Variants in NPAS2 observed in about 807,000 individuals in gnomAD.
NPAS2 encodes the protein neuronal PAS domain-containing protein 2.
NPAS2 carries 23 observed loss-of-function variants against 107.5 expected under a neutral mutation model. The ratio of observed to expected loss-of-function variants is 0.21; its 90% CI spans 0.15 to 0.30. The LOEUF (loss-of-function observed/expected upper bound fraction) is 0.30, where lower values mean the gene tolerates loss of function less well. Ranked by LOEUF, NPAS2 falls within the 10% of genes least tolerant of loss-of-function variation. The pLI is 1.00. For synonymous variants in NPAS2, 403 were observed against 417.5 expected, an observed-to-expected ratio of 0.97 and a Z score of 0.42; for missense variants, 756 against 1,043.3, an observed-to-expected ratio of 0.72 and a Z score of 3.79.
chr2:100,963,614 C>T (rs1208682399), intron 7 of NPAS2, among the ~76,000 whole-genome samples: 1 of 152,156 alleles, frequency 6.6e-6, no homozygotes, highest in Non-Finnish European at 1.5e-5. Context: ...TGGGGTTTCA[C>T]AGTGTTGGCC....
intron 1 of NPAS2, among the ~76,000 whole-genome samples, chr2:100,862,756 A>G (rs566768336): frequency 6.6e-6 from 1 of 152,270 alleles, no homozygotes; most frequent in East Asian, 1.9e-4. Context: ...TTTAGATTCT[A>G]TGTGGAAAGG....
chr2:100,828,366 C>T lies in NPAS2; in HGVS notation c.-23+7952C>T, dbSNP rs1238420778. 2.0e-5 allele frequency among the ~76,000 whole-genome samples: 3 copies of T among 151,996 alleles called. No homozygotes were observed. In the East Asian group the frequency reaches 5.8e-4, roughly 29 times the overall value. ...CCCATTTATGTAGGTTGTCTGTTTA[C>T]TCTGTTGATAGGTTCTTTTTCTGTG... On this transcript the variant is annotated intron_variant, in intron 1 of 20. Coordinates refer to ENST00000335681, the MANE Select transcript of NPAS2 (RefSeq NM_002518.4).
At chr2:100,932,389 C>T (rs1207140131) in intron 3 of NPAS2, among the ~76,000 whole-genome samples, 5 of 152,262 alleles carry the variant, frequency 3.3e-5, no homozygotes, top group South Asian at 2.1e-4. Context: ...GTGTATAGCA[C>T]GCTGTATTTC....
rs35943087 is a variant in NPAS2, at chr2:100,947,552, C to CAAA, written c.364-672_364-670dup. On this transcript the variant is annotated intron_variant, in intron 5 of 20. Coordinates refer to ENST00000335681, the MANE Select transcript of NPAS2 (RefSeq NM_002518.4). ...GGGCAACAAGAGCAACACTCTGTCTCAAAAAAAAAAAAACAAATTAAAATT... is the reference window on the plus strand; with the variant it reads ...GGGCAACAAGAGCAACACTCTGTCTCAAAAAAAAAAAAAAAACAAATTAAAATT... 8.8e-3 allele frequency among the ~76,000 whole-genome samples: 1,215 copies of CAAA among 138,088 alleles called. 19 individuals are homozygous for CAAA. The highest frequency in any genetic ancestry group is 0.023 in the African/African-American group (856 of 36,918). 90.6% of individuals were successfully genotyped at this position (138,088 alleles called of 152,430 possible). A position where few individuals can be genotyped will look rare whatever the true frequency, so the allele number is the denominator to read the frequency against.
At chr2:100,903,064 C>T (rs1681889465) in intron 1 of NPAS2, among the ~76,000 whole-genome samples, 1 of 152,210 alleles carries the variant, frequency 6.6e-6, no homozygotes, top group Non-Finnish European at 1.5e-5. Flanking sequence ...ACTCAGCAAC[C>T]CTGGTCATCC....
At chr2:100,984,392 GATAAA>G (rs1558940617) in intron 16 of NPAS2, 2 of 152,250 alleles carry the variant, frequency 1.3e-5, no homozygotes, top group African/African-American at 4.8e-5. Flanking sequence ...TAGAGGGATA[GATAAA>G]ATAAGAATGA....
chr2:100,941,693 G>A (rs1558894068), intron 5 of NPAS2, among the ~76,000 whole-genome samples: 1 of 152,318 alleles, frequency 6.6e-6, no homozygotes, highest in Admixed American at 6.5e-5. Flanking sequence ...AAGGGCTCAC[G>A]GGAGCCTCTG....
chr2:100,963,419 G>A lies in NPAS2; in HGVS notation c.599-639G>A, dbSNP rs896224735. Among the ~76,000 whole-genome samples the A allele has an allele frequency of 7.9e-5, 12 of 151,898 alleles. 1 individual carries two copies. Among genetic ancestry groups the A allele is most frequent in the Admixed American group, 6.6e-4 (10 of 15,220 alleles). On this transcript the variant is annotated intron_variant, in intron 7 of 20. Coordinates refer to ENST00000335681, the MANE Select transcript of NPAS2 (RefSeq NM_002518.4). ...GTTTTGTTTTGTTTTGTTTTGTTTT[G>A]TTTGGAGACAGAGTCTTACTGTGTC...
At chr2:100,845,136 G>A (rs944973282) in intron 1 of NPAS2, among the ~76,000 whole-genome samples, 8 of 152,310 alleles carry the variant, frequency 5.3e-5, no homozygotes, top group East Asian at 1.9e-4. Context: ...TGTGTGATCC[G>A]TTAGGGGAGC....
intron 1 of NPAS2, among the ~76,000 whole-genome samples, chr2:100,832,805 C>T (rs987497625): frequency 6.6e-6 from 1 of 152,130 alleles, no homozygotes; most frequent in Admixed American, 6.6e-5. Context: ...GGAAGCTGTG[C>T]TGTGTTTGTG....
Position 100,988,328 on chromosome 2 carries a change from C to G in NPAS2, c.1827+52C>G, listed in dbSNP as rs761856980. ...TCCTTGCCTCTAGAGCAGACACCCT[C>G]TTGCAGTTTGGGACATACTTGATTC... On this transcript the variant is annotated intron_variant, in intron 17 of 20. Coordinates refer to ENST00000335681, the MANE Select transcript of NPAS2 (RefSeq NM_002518.4). 2.0e-6 allele frequency: 3 copies of G among 1,516,490 alleles called. No homozygotes were observed. In the South Asian group the frequency reaches 3.4e-5, roughly 17 times the overall value. The allele number at this position is 1,516,490 out of a possible 1,614,324, so 93.9% of individuals were successfully genotyped here. A position where few individuals can be genotyped will look rare whatever the true frequency, so the allele number is the denominator to read the frequency against.
rs184842573 is a variant in NPAS2, at chr2:100,842,971, A to T, written c.-23+22557A>T. 1.3e-4 allele frequency among the ~76,000 whole-genome samples: 20 copies of T among 152,278 alleles called. No individual in the cohort carries two copies. The East Asian group carries it at 3.9e-3, about 29-fold the overall frequency. On this transcript the variant is annotated intron_variant, in intron 1 of 20. Transcript: ENST00000335681. Reference sequence around the variant, plus strand: ...TGTGGTGGCTCATGCCTGTAATCCCAGCACTTTGGGAGTCTGAGGCAGGCA... The same window carrying T: ...TGTGGTGGCTCATGCCTGTAATCCCTGCACTTTGGGAGTCTGAGGCAGGCA...
At position 100,820,631 on chromosome 2, in the gene NPAS2, A is replaced by G. The variant is rs1456695352; in HGVS notation, c.-23+217A>G. The stretch of plus-strand genomic sequence containing the variant: ...GGCCGCTGGGGGCTTCGCGTCCTGC[A>G]GGAGGTAGCAATCGCTGGGCCGGTG... On this transcript the variant is annotated intron_variant, in intron 1 of 20. Transcript: ENST00000335681. The surrounding 1 kb of genome is among the most constrained non-coding windows in gnomAD (Gnocchi z 5.6). Among the ~76,000 whole-genome samples, 1 of 152,052 alleles carries G rather than the reference A, an allele frequency of 6.6e-6. No homozygotes were observed. Among genetic ancestry groups the G allele is most frequent in the African/African-American group, 2.4e-5 (1 of 41,438 alleles).
At chr2:100,829,821 A>T (rs537440525) in intron 1 of NPAS2, among the ~76,000 whole-genome samples, 1 of 152,220 alleles carries the variant, frequency 6.6e-6, no homozygotes, top group Non-Finnish European at 1.5e-5. Context: ...CTCATAAGAA[A>T]TGTTAATCAC....
chr2:100,841,915 G>T, intron 1 of NPAS2, among the ~76,000 whole-genome samples: 1 of 152,014 alleles, frequency 6.6e-6, no homozygotes, highest in East Asian at 1.9e-4. Flanking sequence ...ACATATAACT[G>T]CACATGTATG....
chr2:100,881,329 G>A (rs780849929), intron 1 of NPAS2, among the ~76,000 whole-genome samples: 8 of 148,416 alleles, frequency 5.4e-5, no homozygotes, highest in Non-Finnish European at 1.0e-4. Context: ...CCCCACCCCC[G>A]CCCAGTCAGA....
At chr2:100,857,594 T>TTCTAATCGTGAACC (rs1678659523) in intron 1 of NPAS2, among the ~76,000 whole-genome samples, 2 of 152,110 alleles carry the variant, frequency 1.3e-5, no homozygotes. Flanking sequence ...TAGATATGTG[T>TTCTAATCGTGAACC]TTCAGGGAGG....
chr2:100,917,198 C>T (rs998687228), intron 2 of NPAS2, among the ~76,000 whole-genome samples: 3 of 152,010 alleles, frequency 2.0e-5, no homozygotes, highest in Non-Finnish European at 4.4e-5. Context: ...AACAGAAAAA[C>T]AATATAGAAA....
chr2:100,938,740 A>G (rs911792228), intron 5 of NPAS2, among the ~76,000 whole-genome samples: 2 of 151,648 alleles, frequency 1.3e-5, no homozygotes, highest in African/African-American at 4.8e-5. Flanking sequence ...CTGCCACACC[A>G]TTGCCTGTTC....
Sources: allele counts gnomAD v4.1 joint callset (sites outside exome capture counted in the v4.1 genomes callset), GRCh38; gene constraint gnomAD v4.1.1; non-coding constraint Gnocchi (gnomAD v3.1); transcripts MANE v1.5; gene names NCBI Gene and HGNC (gene_info 2026-07-23, HGNC 2026-07-21).